The following CCDC125 variants were observed in gnomAD, a reference collection of about 807,000 sequenced individuals.
CCDC125 encodes the protein coiled-coil domain-containing protein 125.
In CCDC125, 43 loss-of-function variants were observed where a neutral mutation model predicts 57.4. The observed-to-expected ratio is 0.75, with a 90% CI of 0.59 to 0.97. CCDC125 has a LOEUF of 0.97. Among genes scored for constraint, CCDC125 ranks in the 50% least tolerant of loss-of-function variants. The probability of loss-of-function intolerance (pLI) is 0.00; values close to 1 mark genes in which losing one functional copy is unlikely to be tolerated. For synonymous variants in CCDC125, 187 were observed against 195.2 expected (o/e 0.96, Z 0.35); for missense variants, 563 against 595.7 (o/e 0.95, Z 0.57).
At chr5:69,298,127 T>C (rs933855676) in intron 8 of CCDC125, among the ~76,000 whole-genome samples, 2 of 151,884 alleles carry the variant, frequency 1.3e-5, no homozygotes, top group Admixed American at 6.6e-5. Flanking sequence ...GCGATTCTCC[T>C]GCCTCAGCCT....
chr5:69,318,141 C>G lies in CCDC125; in HGVS notation c.304+2096G>C, dbSNP rs369891713. Among the ~76,000 whole-genome samples the G allele has an allele frequency of 1.4e-4, 22 of 151,926 alleles. No individual in the cohort carries two copies. In the South Asian group the frequency reaches 4.6e-3, roughly 32 times the overall value. ...GGATTACAGGTGCACGCCACCATGC[C>G]TGGCTAATTTTTGTATTTTTAGTAC... On this transcript the variant is annotated intron_variant, in intron 2 of 11. Coordinates refer to ENST00000396496, the MANE Select transcript of CCDC125 (RefSeq NM_176816.5).
chr5:69,309,899 G>A (rs1580141816), intron 4 of CCDC125: 1 of 152,270 alleles, frequency 6.6e-6, no homozygotes, highest in Non-Finnish European at 1.5e-5. Context: ...GAGACCTGGA[G>A]TCAAAGGAGA....
In CCDC125 at chr5:69,320,310, G is replaced by A. The variant is rs749665166; in HGVS notation, c.231C>T (p.Ser77=). The change falls in exon 2 of 12, where the codon TCC becomes TCT. Residue 77 remains serine (S), a synonymous_variant. Transcript: ENST00000396496. Reference sequence around the variant, plus strand: ...ATGTATCTTGCTGGCTCTTATGCTTGGAATACTGAAAACTCGCTTCATTTC... The same window carrying A: ...ATGTATCTTGCTGGCTCTTATGCTTAGAATACTGAAAACTCGCTTCATTTC... The part of the protein sequence containing the change: ...EERNEASFQY[S]KHKSQQDTFP... 6.2e-7 allele frequency: 1 copy of A among 1,613,976 alleles called. No homozygotes were observed. The highest frequency in any genetic ancestry group is 8.5e-7 in the Non-Finnish European group (1 of 1,179,946).
chr5:69,322,375 A>G lies in CCDC125; in HGVS notation c.-40-1795T>C, dbSNP rs551027735. Among the ~76,000 whole-genome samples, 38 of 152,192 alleles carry G rather than the reference A, an allele frequency of 2.5e-4. No individual in the cohort carries two copies. The South Asian group carries it at 7.9e-3, about 32-fold the overall frequency. On this transcript the variant is annotated intron_variant, in intron 1 of 11. Transcript: ENST00000396496. ...TAAAGAAACAAACTGAAATACAATCATCCCAAGGAATTCAAGGGGAACTGG... is the reference window on the plus strand; with the variant it reads ...TAAAGAAACAAACTGAAATACAATCGTCCCAAGGAATTCAAGGGGAACTGG...
rs564126444 is a variant in CCDC125 at position 69,313,142 on chromosome 5, G to A, written c.366+843C>T. ...GGGAACTTGGTCTTCTTCAACCCAA[G>A]AGGAATCAGAAGATCAAAAGCAGTT... On this transcript the variant is annotated intron_variant, in intron 3 of 11. Coordinates refer to ENST00000396496, the MANE Select transcript of CCDC125 (RefSeq NM_176816.5). Among the ~76,000 whole-genome samples the A allele has an allele frequency of 2.0e-5, 3 of 152,272 alleles. No homozygotes were observed. The East Asian group carries it at 5.8e-4, about 29-fold the overall frequency.
chr5:69,295,946 C>A (rs1045991210), intron 8 of CCDC125, among the ~76,000 whole-genome samples: 2 of 150,420 alleles, frequency 1.3e-5, no homozygotes, highest in Non-Finnish European at 2.9e-5. Flanking sequence ...TGCAGTGGCG[C>A]GATCTCGGCT....
chr5:69,297,946 C>T (rs1580052317), intron 8 of CCDC125, among the ~76,000 whole-genome samples: 1 of 151,570 alleles, frequency 6.6e-6, no homozygotes, highest in Admixed American at 6.6e-5. Context: ...GTACTCCAGC[C>T]TGAGCTACAG....
intron 1 of CCDC125, among the ~76,000 whole-genome samples, chr5:69,323,359 A>G (rs957771956): frequency 6.6e-6 from 1 of 152,088 alleles, no homozygotes; most frequent in Non-Finnish European, 1.5e-5. Flanking sequence ...TCATATTTGC[A>G]TATTATCTAG....
rs777805085 is a variant in CCDC125, at chr5:69,294,884, G to A, written c.833C>T (p.Ala278Val). Reference sequence around the variant, plus strand: ...CCCTCCGGGCCCATGACAAAGGCAGGCTCCGAGGACCGCAAGCTTTAAATT... The same window carrying A: ...CCCTCCGGGCCCATGACAAAGGCAGACTCCGAGGACCGCAAGCTTTAAATT... ...ASGLELAVLGACLCHGPGGNP... is the reference protein window; with the variant it reads ...ASGLELAVLGVCLCHGPGGNP... Residue 278 changes from alanine (A) to valine (V), a missense_variant, in exon 9 of 12, where the codon GCC becomes GTC. Coordinates refer to ENST00000396496, the MANE Select transcript of CCDC125 (RefSeq NM_176816.5). 1.2e-6 allele frequency: 2 copies of A among 1,613,618 alleles called. No individual in the cohort carries two copies. Among genetic ancestry groups the A allele is most frequent in the Non-Finnish European group, 1.7e-6 (2 of 1,179,896 alleles).
At chr5:69,308,189 T>C (rs919546955) in intron 4 of CCDC125, 161 bp from the exon 5 acceptor site, 5 of 611,978 alleles carry the variant, frequency 8.2e-6, no homozygotes, top group Admixed American at 2.9e-5. Context: ...AGTTCAAAAG[T>C]CAGGAGATCT....
intron 11 of CCDC125, among the ~76,000 whole-genome samples, chr5:69,284,623 G>A (rs1753016328): frequency 6.6e-6 from 1 of 152,140 alleles, no homozygotes; most frequent in African/African-American, 2.4e-5. Context: ...GATCATGAAG[G>A]TAGAGTCTGG....
intron 3 of CCDC125, among the ~76,000 whole-genome samples, chr5:69,312,231 C>T (rs1186527177): frequency 6.6e-6 from 1 of 152,114 alleles, no homozygotes; most frequent in African/African-American, 2.4e-5. Flanking sequence ...CAAGGAACAC[C>T]AAGGATTGCA....
At chr5:69,288,186 C>G (rs1753819227) in intron 10 of CCDC125, among the ~76,000 whole-genome samples, 1 of 152,004 alleles carries the variant, frequency 6.6e-6, no homozygotes, top group South Asian at 2.1e-4. Flanking sequence ...ACACAGAGCC[C>G]CTAAATCCCT....
At chr5:69,283,540 CAG>C (rs1209306509) in intron 11 of CCDC125, among the ~76,000 whole-genome samples, 6 of 146,594 alleles carry the variant, frequency 4.1e-5, no homozygotes, top group African/African-American at 1.5e-4. Context: ...TTTTTTAAGA[CAG>C]GGTCTGGCTC....
Position 69,303,948 on chromosome 5 carries a change from C to T in CCDC125, c.618-19G>A. Reference sequence around the variant, plus strand: ...GTTTAGCCTGGAAAAAAGTGGCTTTCAAATAACTAAAACATTAATATTTCC... The same window carrying T: ...GTTTAGCCTGGAAAAAAGTGGCTTTTAAATAACTAAAACATTAATATTTCC... On this transcript the variant is annotated intron_variant, in intron 6 of 11. Coordinates refer to ENST00000396496, the MANE Select transcript of CCDC125 (RefSeq NM_176816.5). The T allele has an allele frequency of 2.1e-6, 3 of 1,409,770 alleles. No individual in the cohort carries two copies. Among genetic ancestry groups the T allele is most frequent in the Non-Finnish European group, 2.0e-6 (2 of 1,018,066 alleles). 87.3% of individuals were successfully genotyped at this position (1,409,770 alleles called of 1,614,324 possible).
At chr5:69,327,679 CAG>C (rs1760909455) in intron 1 of CCDC125, among the ~76,000 whole-genome samples, 1 of 152,144 alleles carries the variant, frequency 6.6e-6, no homozygotes, top group South Asian at 2.1e-4. Context: ...TATTTCTTAA[CAG>C]GGGTTTAAGC....
intron 10 of CCDC125, among the ~76,000 whole-genome samples, chr5:69,286,075 G>A (rs1753296807): frequency 6.6e-6 from 1 of 151,146 alleles, no homozygotes; most frequent in Non-Finnish European, 1.5e-5. Context: ...ACTGTTTCAT[G>A]GGACAGGGTC....
Position 69,294,790 on chromosome 5 carries a change from T to C in CCDC125, c.924+3A>G, listed in dbSNP as rs1319775710. 1 of 1,604,824 alleles carries C rather than the reference T, an allele frequency of 6.2e-7. No homozygotes were observed. Among genetic ancestry groups the C allele is most frequent in the Admixed American group, 1.7e-5 (1 of 59,492 alleles). Reference sequence around the variant, plus strand: ...AGCTTTTGCTGTTGTGATAACGCAATACCTCTTGTTTGAGCTGAAGAAGCA... The same window carrying C: ...AGCTTTTGCTGTTGTGATAACGCAACACCTCTTGTTTGAGCTGAAGAAGCA... On this transcript the variant is annotated splice_donor_region_variant and intron_variant, in intron 9 of 11. Coordinates refer to ENST00000396496, the MANE Select transcript of CCDC125 (RefSeq NM_176816.5).
intron 1 of CCDC125, among the ~76,000 whole-genome samples, chr5:69,323,056 C>T (rs1272888516): frequency 1.3e-5 from 2 of 151,822 alleles, no homozygotes; most frequent in African/African-American, 4.8e-5. Flanking sequence ...CCTGTAATCC[C>T]AGCACTTTCA....
Sources: gnomAD v4.1 joint callset for allele counts (sites outside exome capture counted in the v4.1 genomes callset) on GRCh38, gnomAD v4.1.1 for gene constraint, MANE v1.5 for transcripts, NCBI Gene and HGNC (gene_info 2026-07-23, HGNC 2026-07-21) for gene names.